CDIN1: variants seen among roughly 807,000 people sequenced by gnomAD.
CDIN1 encodes CDAN1-interacting nuclease 1.
Under a neutral mutation model 45.3 loss-of-function variants are expected in CDIN1, and 33 were observed. That is an observed-to-expected ratio of 0.73 (90% CI 0.55 to 0.97). CDIN1 has a LOEUF of 0.97. CDIN1 is among the 50% of genes least tolerant of loss of function. CDIN1 has a pLI of 0.00. For missense variants in CDIN1, 303 were observed against 339.4 expected (o/e 0.89, Z 0.84); for synonymous variants, 118 against 124.4 (o/e 0.95, Z 0.34).
Position 36,717,792 on chromosome 15 carries a change from C to T in CDIN1, c.716+7831C>T, listed in dbSNP as rs536452324. On this transcript the variant is annotated intron_variant, in intron 10 of 10. Coordinates refer to ENST00000566621, the MANE Select transcript of CDIN1 (RefSeq NM_001321759.2). ...GTGGTTATACCATTTTATATTCCCA[C>T]CAGCAGCTTATGATAGTTCCTTCTG... 1.2e-3 allele frequency among the ~76,000 whole-genome samples: 180 copies of T among 152,248 alleles called. 2 individuals are homozygous for T. The highest frequency in any genetic ancestry group is 4.0e-3 in the African/African-American group (166 of 41,572).
intron 1 of CDIN1, among the ~76,000 whole-genome samples, chr15:36,632,311 G>A (rs2039712913): frequency 6.6e-6 from 1 of 152,104 alleles, no homozygotes; most frequent in Admixed American, 6.5e-5. Flanking sequence ...GCACAGAGAG[G>A]AGCTTTCTCT....
chr15:36,658,606 T>TA (rs780114113), intron 5 of CDIN1, among the ~76,000 whole-genome samples: 101 of 152,314 alleles, frequency 6.6e-4, no homozygotes, highest in Non-Finnish European at 1.1e-3. Flanking sequence ...TAGTCTCATG[T>TA]AAAAAAGACA....
Position 36,746,200 on chromosome 15 carries a change from G to C in CDIN1, c.716+36239G>C, listed in dbSNP as rs1009489674. 2.0e-5 allele frequency among the ~76,000 whole-genome samples: 3 copies of C among 152,100 alleles called. 1 individual carries two copies. Among genetic ancestry groups the C allele is most frequent in the African/African-American group, 4.8e-5 (2 of 41,432 alleles). ...AGTATTATTAAGCTACCATGTAGAA[G>C]ACCAATTAGAGGTGTTTGGTTTGTG... On this transcript the variant is annotated intron_variant, in intron 10 of 10. Coordinates refer to ENST00000566621, the MANE Select transcript of CDIN1 (RefSeq NM_001321759.2).
chr15:36,594,811 A>G (rs2037737962), intron 1 of CDIN1: 1 of 713,678 alleles, frequency 1.4e-6, no homozygotes, highest in Non-Finnish European at 1.7e-6. Flanking sequence ...GGAGTCCGGC[A>G]CTTAAAATTT....
chr15:36,755,756 G>A (rs146449728), intron 10 of CDIN1, among the ~76,000 whole-genome samples: 75 of 152,206 alleles, frequency 4.9e-4, no homozygotes, highest in African/African-American at 1.8e-3. Context: ...ATATCCTCGT[G>A]TTGGGTTTTT....
At chr15:36,800,857 ATATG>A (rs1161030402) in intron 10 of CDIN1, among the ~76,000 whole-genome samples, 9 of 124,900 alleles carry the variant, frequency 7.2e-5, no homozygotes, top group African/African-American at 2.4e-4. Context: ...ATGATTATAC[ATATG>A]TGTGTGTGTG....
At chr15:36,641,465 C>G (rs992300047) in intron 1 of CDIN1, 1 of 152,274 alleles carries the variant, frequency 6.6e-6, no homozygotes, top group Admixed American at 6.5e-5. Flanking sequence ...CACTCACATG[C>G]TCTCCTTTAC....
intron 10 of CDIN1, among the ~76,000 whole-genome samples, chr15:36,779,676 T>C (rs1037152128): frequency 6.6e-6 from 1 of 152,226 alleles, no homozygotes; most frequent in African/African-American, 2.4e-5. Flanking sequence ...TTCTGGAGTC[T>C]GTTGGACCTG....
At chr15:36,614,014 G>T in intron 1 of CDIN1, 1 of 1,337,418 alleles carries the variant, frequency 7.5e-7, no homozygotes, top group Non-Finnish European at 1.1e-6. Context: ...CTCTCAAAAA[G>T]AAGACAAATA....
In CDIN1 at chr15:36,765,057, C is replaced by CTTTTTTTTTTTTTTTTTTTTTTTTTTT; in HGVS notation, c.717-43264_717-43263insTTTTTTTTTTTTTTTTTTTTTTTTTTT. Among the ~76,000 whole-genome samples the CTTTTTTTTTTTTTTTTTTTTTTTTTTT allele has an allele frequency of 1.4e-5, 2 of 139,644 alleles. 1 individual carries two copies. Among genetic ancestry groups the CTTTTTTTTTTTTTTTTTTTTTTTTTTT allele is most frequent in the Non-Finnish European group, 3.1e-5 (2 of 65,134 alleles). The allele number at this position is 139,644 out of a possible 152,430, so 91.6% of individuals were successfully genotyped here. On this transcript the variant is annotated intron_variant, in intron 10 of 10. Coordinates refer to ENST00000566621, the MANE Select transcript of CDIN1 (RefSeq NM_001321759.2). Reference sequence around the variant, plus strand: ...ATTTTCTTTTCTTTTATTTTTCTTTCTTTCTTTTTTTTTTTTTAGATGGAG... The same window carrying CTTTTTTTTTTTTTTTTTTTTTTTTTTT: ...ATTTTCTTTTCTTTTATTTTTCTTTCTTTTTTTTTTTTTTTTTTTTTTTTTTTTTTCTTTTTTTTTTTTTAGATGGAG...
At chr15:36,630,255 T>C (rs1467477558) in intron 1 of CDIN1, among the ~76,000 whole-genome samples, 2 of 152,224 alleles carry the variant, frequency 1.3e-5, no homozygotes, top group East Asian at 3.8e-4. Flanking sequence ...CATAAAAATG[T>C]CCAGTGTCAA....
intron 1 of CDIN1, among the ~76,000 whole-genome samples, chr15:36,604,418 T>TACAC (rs144533313): frequency 0.078 from 10,034 of 128,726 alleles, 472 homozygotes; most frequent in Middle Eastern, 0.11. Flanking sequence ...TTTTAAAAGG[T>TACAC]ACACACACAC....
chr15:36,600,127 G>A (rs1339048470), intron 1 of CDIN1, among the ~76,000 whole-genome samples: 1 of 152,208 alleles, frequency 6.6e-6, no homozygotes, highest in African/African-American at 2.4e-5. Context: ...CCCTGGAGAG[G>A]CCTCTTAGGC....
At chr15:36,802,839 G>C (rs910980528) in intron 10 of CDIN1, among the ~76,000 whole-genome samples, 5 of 152,132 alleles carry the variant, frequency 3.3e-5, no homozygotes, top group African/African-American at 1.2e-4. Context: ...CTTATCTGAG[G>C]ATAGCTAGAT....
Position 36,617,209 on chromosome 15 carries a change from A to G in CDIN1, c.102-27069A>G, listed in dbSNP as rs939309854. The G allele has an allele frequency of 1.2e-5, 10 of 865,004 alleles. No homozygotes were observed. In the African/African-American group the frequency reaches 1.6e-4, roughly 14 times the overall value. The allele number at this position is 865,004 out of a possible 1,614,324, so 53.6% of individuals were successfully genotyped here. ...CACCCCAGTAACTCATAGAACTGAA[A>G]GCTCTTGGCATGAAACAGCAGCCAC... On this transcript the variant is annotated intron_variant, in intron 1 of 10. Coordinates refer to ENST00000566621, the MANE Select transcript of CDIN1 (RefSeq NM_001321759.2).
At chr15:36,644,864 T>C (rs2040247968) in intron 2 of CDIN1, among the ~76,000 whole-genome samples, 1 of 152,208 alleles carries the variant, frequency 6.6e-6, no homozygotes, top group Non-Finnish European at 1.5e-5. Context: ...AGGACTTAGA[T>C]GGAATTGAAT....
chr15:36,719,523 T>C (rs1392778331), intron 10 of CDIN1, among the ~76,000 whole-genome samples: 2 of 152,212 alleles, frequency 1.3e-5, no homozygotes, highest in African/African-American at 4.8e-5. Flanking sequence ...TTTGATTTGT[T>C]AAAATCTGTT....
At chr15:36,681,404 C>G (rs2041846905) in intron 5 of CDIN1, among the ~76,000 whole-genome samples, 1 of 152,036 alleles carries the variant, frequency 6.6e-6, no homozygotes, top group Non-Finnish European at 1.5e-5. Flanking sequence ...AGGGGAAATA[C>G]AAACACTTTG....
intron 10 of CDIN1, among the ~76,000 whole-genome samples, chr15:36,795,743 C>T (rs1014149816): frequency 1.4e-4 from 21 of 151,828 alleles, no homozygotes; most frequent in Non-Finnish European, 2.4e-4. Flanking sequence ...CACTCTGTTG[C>T]CCAGGCTGGA....
Sources: allele counts gnomAD v4.1 joint callset (sites outside exome capture counted in the v4.1 genomes callset), GRCh38; gene constraint gnomAD v4.1.1; transcripts MANE v1.5; gene names NCBI Gene and HGNC (gene_info 2026-07-23, HGNC 2026-07-21).